EIF5B: variants seen among roughly 807,000 people sequenced by gnomAD.
The protein encoded by EIF5B is eukaryotic translation initiation factor 5B, also known as eIF-5B.
A neutral mutation model predicts 147.5 loss-of-function variants in EIF5B; 47 were observed. That is an observed-to-expected ratio of 0.32 (90% CI 0.25 to 0.41). The LOEUF is 0.41. EIF5B is among the 10% of genes least tolerant of loss of function. The pLI is 1.00. For synonymous variants in EIF5B, 455 were observed against 456.2 expected, an observed-to-expected ratio of 1.00 and a Z score of 0.03; for missense variants, 1,064 against 1,413.2, an observed-to-expected ratio of 0.75 and a Z score of 3.96.
At chr2:99,363,559 C>T in intron 4 of EIF5B, 86 bp from the exon 5 acceptor site, 1 of 1,366,882 alleles carries the variant, frequency 7.3e-7, no homozygotes, top group Non-Finnish European at 1.0e-6. Context: ...CCATTATGGT[C>T]CTTGAATTGT....
Position 99,382,189 on chromosome 2 carries a change from A to T in EIF5B, c.2092A>T (p.Met698Leu). 6.2e-7 allele frequency: 1 copy of T among 1,613,280 alleles called. No individual in the cohort carries two copies. Among genetic ancestry groups the T allele is most frequent in the Non-Finnish European group, 8.5e-7 (1 of 1,179,550 alleles). ...FDRENVRIPGMLIIDTPGHES... is the reference protein window; with the variant it reads ...FDRENVRIPGLLIIDTPGHES... The stretch of plus-strand genomic sequence containing the variant: ...TAGAGAGAATGTACGGATTCCAGGA[A>T]TGCTAATTATTGATACTCCTGGGCA... The change falls in exon 13 of 24, where the codon ATG becomes TTG. Residue 698 changes from methionine (M) to leucine (L), a missense_variant. Transcript: ENST00000289371.
intron 14 of EIF5B, among the ~76,000 whole-genome samples, chr2:99,386,759 T>G (rs1674818944): frequency 6.6e-6 from 1 of 152,042 alleles, no homozygotes; most frequent in Admixed American, 6.6e-5. Flanking sequence ...ATGGCCAGGC[T>G]GGTCTCAAAC....
chr2:99,370,820 T>C (rs1674430746), intron 8 of EIF5B, among the ~76,000 whole-genome samples: 1 of 152,242 alleles, frequency 6.6e-6, no homozygotes, highest in Non-Finnish European at 1.5e-5. Context: ...CTAAATAATA[T>C]TCAGAATTTT....
At chr2:99,341,282 C>CA (rs1053396523) in intron 1 of EIF5B, among the ~76,000 whole-genome samples, 2 of 152,068 alleles carry the variant, frequency 1.3e-5, no homozygotes, top group East Asian at 1.9e-4. Context: ...TAAATTACAT[C>CA]AAAAAAAGAT....
In EIF5B at chr2:99,371,735, A is replaced by AT; in HGVS notation, c.1552+6dup. The stretch of plus-strand genomic sequence containing the variant: ...GTGATGAGGAGACAGAAAAAGGTGA[A>AT]TACCTCATAAGCACACACTGATACA... On this transcript the variant is annotated splice_donor_region_variant and intron_variant, in intron 9 of 23. Transcript: ENST00000289371. 4 of 1,611,840 alleles carry AT rather than the reference A, an allele frequency of 2.5e-6. No homozygotes were observed. The highest frequency in any genetic ancestry group is 3.4e-6 in the Non-Finnish European group (4 of 1,178,706).
chr2:99,383,959 A>G (rs1298633423), intron 14 of EIF5B, among the ~76,000 whole-genome samples: 3 of 152,128 alleles, frequency 2.0e-5, no homozygotes, highest in African/African-American at 7.2e-5. Context: ...GAATTATGCC[A>G]AATCCTTTGG....
At chr2:99,388,667 C>G (rs1202425276) in intron 14 of EIF5B, among the ~76,000 whole-genome samples, 1 of 151,640 alleles carries the variant, frequency 6.6e-6, no homozygotes, top group Non-Finnish European at 1.5e-5. Flanking sequence ...TAAAATAAAC[C>G]CTAGTTGGTT....
chr2:99,386,461 T>C (rs1004453923), intron 14 of EIF5B, among the ~76,000 whole-genome samples: 3 of 129,368 alleles, frequency 2.3e-5, no homozygotes, highest in Non-Finnish European at 4.8e-5. Context: ...TTCTTTGTTT[T>C]GTTTTGCGTG....
In EIF5B at chr2:99,399,425, T is replaced by C. The variant is rs1171623590; in HGVS notation, c.*11T>C. On this transcript the variant is annotated 3_prime_UTR_variant, in exon 24 of 24. Transcript: ENST00000289371. Reference sequence around the variant, plus strand: ...TTTGAAATCATCTAATTTTTTCACATGGAGCAGGAACTGGAGTAAATGCAA... The same window carrying C: ...TTTGAAATCATCTAATTTTTTCACACGGAGCAGGAACTGGAGTAAATGCAA... 2.5e-6 allele frequency: 4 copies of C among 1,612,308 alleles called. No individual in the cohort carries two copies. Among genetic ancestry groups the C allele is most frequent in the Non-Finnish European group, 3.4e-6 (4 of 1,178,516 alleles).
At chr2:99,382,029 G>A in intron 12 of EIF5B, 130 bp from the exon 13 acceptor site, 1 of 656,046 alleles carries the variant, frequency 1.5e-6, no homozygotes, top group Non-Finnish European at 2.6e-6. Context: ...TTAACTCACT[G>A]TTTCTAAAGC....
In EIF5B at chr2:99,396,801, A is replaced by G. The variant is rs1675058615; in HGVS notation, c.3296A>G (p.Gln1099Arg). 2.5e-6 allele frequency: 4 copies of G among 1,613,086 alleles called. No homozygotes were observed. The highest frequency in any genetic ancestry group is 1.6e-4 in the Middle Eastern group (1 of 6,082). The change falls in exon 22 of 24, where the codon CAG (glutamine) becomes CGG (arginine). Residue 1099 changes from glutamine (Q) to arginine (R), a missense_variant. By Grantham distance (43) the Gln-to-Arg change is conservative. Transcript: ENST00000289371. Reference protein sequence around the residue: ...VFPCKIKILPQYIFNSRDPIV... With the variant: ...VFPCKIKILPRYIFNSRDPIV... ...CCCTGCAAGATAAAAATCCTCCCTC[A>G]GTACATTTTTAATTCTCGAGATCCG...
intron 1 of EIF5B, among the ~76,000 whole-genome samples, chr2:99,339,911 TTTGTTG>T (rs370542589): frequency 1.3e-5 from 2 of 152,152 alleles, no homozygotes; most frequent in Admixed American, 6.5e-5. Context: ...TAATCTGTGT[TTTGTTG>T]TTGTTGTTGT....
intron 3 of EIF5B, 38 bp from the exon 4 acceptor site, chr2:99,361,110 A>G: frequency 6.9e-7 from 1 of 1,457,556 alleles, no homozygotes; most frequent in Non-Finnish European, 9.1e-7. Flanking sequence ...TCTCAATTAT[A>G]ATTCTGTTAA....
chr2:99,355,004 A>T (rs1336578923), intron 1 of EIF5B, among the ~76,000 whole-genome samples: 1 of 151,968 alleles, frequency 6.6e-6, no homozygotes, highest in Admixed American at 6.6e-5. Flanking sequence ...GAGTTTTACC[A>T]TGTTGGCCAG....
At chr2:99,345,566 C>A (rs1163625440) in intron 1 of EIF5B, among the ~76,000 whole-genome samples, 1 of 146,786 alleles carries the variant, frequency 6.8e-6, no homozygotes, top group Non-Finnish European at 1.5e-5. Context: ...TGCGCTCCAG[C>A]CTGGGCAATG....
chr2:99,382,954 A>T, intron 14 of EIF5B, 33 bp downstream of exon 14: 1 of 1,538,576 alleles, frequency 6.5e-7, no homozygotes, highest in Non-Finnish European at 8.7e-7. Context: ...TAACCTAGGA[A>T]AACATGTTTC....
At chr2:99,353,815 C>T (rs897294081) in intron 1 of EIF5B, among the ~76,000 whole-genome samples, 1 of 152,142 alleles carries the variant, frequency 6.6e-6, no homozygotes, top group Admixed American at 6.5e-5. Flanking sequence ...TTCTACTCAG[C>T]CTAATTCTCT....
rs1033093265 is a variant in EIF5B at position 99,360,956 on chromosome 2, A to G, written c.247-192A>G. On this transcript the variant is annotated intron_variant, in intron 3 of 23. Coordinates refer to ENST00000289371, the MANE Select transcript of EIF5B (RefSeq NM_015904.4). ...GAGCCCCTGGATTCTGCAATTTACA[A>G]TGATGCGAGATGTGTCTGAGGCCAA... Among the ~76,000 whole-genome samples, 3 of 152,188 alleles carry G rather than the reference A, an allele frequency of 2.0e-5. 1 individual carries two copies. Among genetic ancestry groups the G allele is most frequent in the East Asian group, 3.8e-4 (2 of 5,204 alleles).
chr2:99,371,573 G>T (rs1674453199), intron 8 of EIF5B, 83 bp from the exon 9 acceptor site: 1 of 1,055,750 alleles, frequency 9.5e-7, no homozygotes, highest in Non-Finnish European at 1.4e-6. Flanking sequence ...TTTTATGTCA[G>T]AGCATAATTT....
Sources: gnomAD v4.1 joint callset for allele counts (sites outside exome capture counted in the v4.1 genomes callset) on GRCh38, gnomAD v4.1.1 for gene constraint, MANE v1.5 for transcripts, NCBI Gene and HGNC (gene_info 2026-07-23, HGNC 2026-07-21) for gene names.